GON4L: variants seen among roughly 807,000 people sequenced by gnomAD.
The protein encoded by GON4L is GON-4-like protein.
In GON4L, 87 loss-of-function variants were observed where a neutral mutation model predicts 211.8. That is an observed-to-expected ratio of 0.41 (90% CI 0.35 to 0.49). GON4L has a LOEUF of 0.49. Ranked by LOEUF, GON4L falls within the 20% of genes least tolerant of loss-of-function variation. GON4L has a pLI of 0.15. For missense variants in GON4L, 2,155 were observed against 2,659.5 expected (o/e 0.81, Z 4.17); for synonymous variants, 875 against 962.6 (o/e 0.91, Z 1.68).
intron 2 of GON4L, among the ~76,000 whole-genome samples, chr1:155,844,971 T>A (rs1671091750): frequency 6.6e-6 from 1 of 152,186 alleles, no homozygotes; most frequent in African/African-American, 2.4e-5. Flanking sequence ...TTCTGACCCC[T>A]TAGATGAGGC....
At chr1:155,847,811 T>C (rs974569184) in intron 2 of GON4L, among the ~76,000 whole-genome samples, 2 of 151,712 alleles carry the variant, frequency 1.3e-5, no homozygotes, top group African/African-American at 4.8e-5. Context: ...GAGGCGGGGG[T>C]TGCGGTGAGC....
chr1:155,830,435 G>A (rs1325649742), intron 2 of GON4L, among the ~76,000 whole-genome samples: 1 of 151,090 alleles, frequency 6.6e-6, no homozygotes, highest in Non-Finnish European at 1.5e-5. Flanking sequence ...GCACCACCAC[G>A]CCCAGCTAAT....
Position 155,754,461 on chromosome 1 carries a change from C to T in GON4L, c.5545G>A (p.Asp1849Asn). 1.9e-6 allele frequency: 3 copies of T among 1,612,456 alleles called. No individual in the cohort carries two copies. Among genetic ancestry groups the T allele is most frequent in the Non-Finnish European group, 2.5e-6 (3 of 1,178,984 alleles). The change falls in exon 28 of 32, where the codon GAC becomes AAC. Residue 1849 changes from aspartate to asparagine, a missense_variant. Around this residue, in one of 6 missense-constraint regions of GON4L, gnomAD observed 455 missense variants for 504.6 expected, o/e 0.90. Coordinates refer to ENST00000368331, the MANE Select transcript of GON4L (RefSeq NM_001282860.2). ...KETEWPDGAK[D>N]CACSCHEGGP... is the part of the protein sequence containing the mutation. ...CCTTCATGGCAGGAGCAGGCACAGT[C>T]CTTGGCCCCATCTGGCCATTCAGTC... is the stretch of plus-strand genomic sequence containing the variant.
chr1:155,792,577 CAAG>C (rs1209582456), intron 12 of GON4L, among the ~76,000 whole-genome samples: 1 of 152,122 alleles, frequency 6.6e-6, no homozygotes, highest in East Asian at 1.9e-4. Context: ...GAATGCAAAG[CAAG>C]AAGATCAATC....
Position 155,765,611 on chromosome 1 carries a change from A to G in GON4L, c.3862T>C (p.Cys1288Arg). The change falls in exon 21 of 32, where the codon TGT (cysteine) becomes CGT (arginine). Residue 1288 changes from cysteine to arginine, a missense_variant. By Grantham distance (180) the Cys-to-Arg change is radical (BLOSUM62 -3). Coordinates refer to ENST00000368331, the MANE Select transcript of GON4L (RefSeq NM_001282860.2). ...CQEGLSENSACRWTVVKTEEG... is the reference protein window; with the variant it reads ...CQEGLSENSARRWTVVKTEEG... ...TCTGTTTTCACAACGGTCCAGCGACAGGCACTATTCTCTGACAATCCTTCT... is the reference window on the plus strand; with the variant it reads ...TCTGTTTTCACAACGGTCCAGCGACGGGCACTATTCTCTGACAATCCTTCT... The G allele has an allele frequency of 6.2e-7, 1 of 1,614,186 alleles. No homozygotes were observed. The highest frequency in any genetic ancestry group is 1.1e-5 in the South Asian group (1 of 91,084).
intron 3 of GON4L, among the ~76,000 whole-genome samples, chr1:155,825,579 A>AC (rs199678498): frequency 0.04 from 5,794 of 146,092 alleles, 183 homozygotes; most frequent in South Asian, 0.073. Context: ...CTCAAAACAA[A>AC]AAAAAAAAAA....
chr1:155,765,223 G>A lies in GON4L; in HGVS notation c.4250C>T (p.Ser1417Leu). Residue 1417 changes from serine to leucine, a missense_variant, in exon 21 of 32, where the codon TCA becomes TTA. Physicochemically the swap from Ser to Leu is moderately radical, Grantham distance 145. Transcript: ENST00000368331. ...ACTAAGCCTCACTTCAGGATCCATTGAGGACAAAGCATTCTTTGATGATCC... is the reference window on the plus strand; with the variant it reads ...ACTAAGCCTCACTTCAGGATCCATTAAGGACAAAGCATTCTTTGATGATCC... ...NKGSSKNALS[S>L]MDPEVRLSSP... 6.2e-7 allele frequency: 1 copy of A among 1,614,166 alleles called. No homozygotes were observed. Among genetic ancestry groups the A allele is most frequent in the African/African-American group, 1.3e-5 (1 of 75,022 alleles).
intron 9 of GON4L, 75 bp downstream of exon 9, chr1:155,814,255 A>G: frequency 7.4e-7 from 1 of 1,354,058 alleles, no homozygotes; most frequent in Admixed American, 1.7e-5. Flanking sequence ...CCATGGATAA[A>G]TAATCTACTT....
chr1:155,838,955 A>G (rs1362231234), intron 2 of GON4L, among the ~76,000 whole-genome samples: 1 of 151,924 alleles, frequency 6.6e-6, no homozygotes, highest in Admixed American at 6.6e-5. Flanking sequence ...TTTACAATAA[A>G]ATAAAAAATT....
At position 155,763,403 on chromosome 1, in the gene GON4L, C is replaced by A. The variant is rs369208847; in HGVS notation, c.4635G>T (p.Thr1545=). 1.2e-6 allele frequency: 2 copies of A among 1,603,332 alleles called. No homozygotes were observed. Among genetic ancestry groups the A allele is most frequent in the Non-Finnish European group, 1.7e-6 (2 of 1,174,998 alleles). ...CAGCAGAGTCTCCAACTGCTTCATC[C>A]GTCATTTCATCCTCTTTCTGCAGGC... ...MESLQKEDEM[T]DEAVGDSAEK... is the part of the protein sequence containing the mutation. Residue 1545 remains threonine, a synonymous_variant, in exon 22 of 32, where the codon ACG becomes ACT. Transcript: ENST00000368331.
intron 10 of GON4L, among the ~76,000 whole-genome samples, chr1:155,811,771 A>AAAAAAAAC (rs1667806065): frequency 6.7e-6 from 1 of 148,444 alleles, no homozygotes; most frequent in Non-Finnish European, 1.5e-5. Context: ...AAAAAAAAAA[A>AAAAAAAAC]AAAAAAAAGA....
At chr1:155,854,867 C>T (rs1177846182) in intron 1 of GON4L, among the ~76,000 whole-genome samples, 1 of 152,054 alleles carries the variant, frequency 6.6e-6, no homozygotes, top group Non-Finnish European at 1.5e-5. Context: ...GAAACCCTGT[C>T]TCTACTAAAA....
At chr1:155,764,857 A>G (rs1463155555) in intron 21 of GON4L, 143 bp downstream of exon 21, 6 of 1,563,624 alleles carry the variant, frequency 3.8e-6, no homozygotes, top group African/African-American at 2.7e-5. Context: ...CAACTCCACA[A>G]TCATGTCCCA....
At chr1:155,848,207 A>C (rs1671436847) in intron 2 of GON4L, among the ~76,000 whole-genome samples, 1 of 152,164 alleles carries the variant, frequency 6.6e-6, no homozygotes, top group Admixed American at 6.5e-5. Context: ...TGAATCTTGC[A>C]CAAAGCCAAG....
At chr1:155,807,088 T>A (rs1667199155) in intron 10 of GON4L, among the ~76,000 whole-genome samples, 1 of 98,898 alleles carries the variant, frequency 1.0e-5, no homozygotes, top group African/African-American at 3.3e-5. Context: ...AAGAGAGACA[T>A]CTCAAAAAAA....
At chr1:155,805,260 A>G in intron 10 of GON4L, 119 bp from the exon 11 acceptor site, 1 of 718,374 alleles carries the variant, frequency 1.4e-6, no homozygotes, top group Non-Finnish European at 2.5e-6. Context: ...ATTTGGATTT[A>G]TTATTGTTTG....
intron 2 of GON4L, among the ~76,000 whole-genome samples, chr1:155,841,294 A>G (rs1670755694): frequency 6.6e-6 from 1 of 152,178 alleles, no homozygotes; most frequent in East Asian, 1.9e-4. Context: ...TCCAGGCCCA[A>G]GGACTACTGA....
downstream of GON4L, chr1:155,745,722 A>G (rs1254989133): frequency 1.9e-4 from 181 of 954,504 alleles, 3 homozygotes; most frequent in South Asian, 8.0e-4. Context: ...GTGTTTGCGG[A>G]CCAATAAGTC....
In GON4L at chr1:155,821,272, A is replaced by T. The variant is rs146834586; in HGVS notation, c.963+202T>A. ...CAGAGTAAGACTCCGTCTCAAAAAA[A>T]AATAATAATAATAAAATAATAATAA... On this transcript the variant is annotated intron_variant, in intron 5 of 31. Coordinates refer to ENST00000368331, the MANE Select transcript of GON4L (RefSeq NM_001282860.2). 3.4e-3 allele frequency among the ~76,000 whole-genome samples: 511 copies of T among 151,600 alleles called. 5 individuals carry two copies. Among genetic ancestry groups the T allele is most frequent in the African/African-American group, 9.8e-3 (405 of 41,466 alleles).
Sources: gnomAD v4.1 joint callset for allele counts (sites outside exome capture counted in the v4.1 genomes callset) on GRCh38, gnomAD v4.1.1 for gene constraint, gnomAD v4.1.1 regional missense constraint, MANE v1.5 for transcripts, NCBI Gene and HGNC (gene_info 2026-07-23, HGNC 2026-07-21) for gene names.